The following ACTN2 variants were observed in gnomAD, a reference collection of about 807,000 sequenced individuals.
ACTN2 encodes the protein actinin alpha 2, also known as alpha-actinin-2.
ACTN2 carries 39 observed loss-of-function variants against 113.8 expected under a neutral mutation model. That is an observed-to-expected ratio of 0.34 (90% CI 0.27 to 0.45). The LOEUF is 0.45. Among genes scored for constraint, ACTN2 ranks in the 20% least tolerant of loss-of-function variants. ACTN2 has a pLI of 1.00. For synonymous variants in ACTN2, 429 were observed against 444.1 expected (o/e 0.97, Z 0.43); for missense variants, 992 against 1,177.9 (o/e 0.84, Z 2.31).
intron 8 of ACTN2, chr1:236,736,762 G>A (rs967861544): frequency 5.2e-5 from 43 of 829,160 alleles, no homozygotes; most frequent in Non-Finnish European, 7.5e-5. Flanking sequence ...CATGAGATCA[G>A]TGGAGAGTTC....
At chr1:236,761,824 A>G (rs1045184758) in intron 20 of ACTN2, among the ~76,000 whole-genome samples, 2 of 152,206 alleles carry the variant, frequency 1.3e-5, no homozygotes, top group Non-Finnish European at 2.9e-5. Context: ...GGAGGTTAGC[A>G]TGCTAAAACA....
intron 1 of ACTN2, among the ~76,000 whole-genome samples, chr1:236,707,323 C>T (rs906668750): frequency 1.3e-5 from 2 of 152,228 alleles, no homozygotes; most frequent in Admixed American, 1.3e-4. Context: ...GACCTTCTTG[C>T]ACCCCTTTTC....
intron 1 of ACTN2, among the ~76,000 whole-genome samples, chr1:236,696,216 A>G (rs1485922617): frequency 6.6e-6 from 1 of 151,788 alleles, no homozygotes; most frequent in African/African-American, 2.4e-5. Flanking sequence ...CTGAGGCAGG[A>G]GACTCATTGG....
chr1:236,755,066 G>A lies in ACTN2; in HGVS notation c.2022G>A (p.Gln674=), dbSNP rs377003530. ...AGATCACAGGAGCCCTGGAAGACCA[G>A]ATGAACCAGCTGAAGCAGTATGAGC... ...SIQITGALED[Q]MNQLKQYEHN... Residue 674 remains glutamine, a synonymous_variant, in exon 17 of 21, where the codon CAG becomes CAA. Coordinates refer to ENST00000366578, the MANE Select transcript of ACTN2 (RefSeq NM_001103.4). 6.2e-7 allele frequency: 1 copy of A among 1,614,126 alleles called. No individual in the cohort carries two copies. Among genetic ancestry groups the A allele is most frequent in the Non-Finnish European group, 8.5e-7 (1 of 1,180,056 alleles).
intron 10 of ACTN2, among the ~76,000 whole-genome samples, chr1:236,741,053 C>CT (rs1344605053): frequency 1.3e-5 from 2 of 151,824 alleles, no homozygotes; most frequent in African/African-American, 2.4e-5. Flanking sequence ...TTTCTTTTTC[C>CT]TTTTTTTTAA....
intron 10 of ACTN2, 138 bp from the exon 11 acceptor site, chr1:236,742,758 G>T: frequency 9.9e-7 from 1 of 1,007,188 alleles, no homozygotes; most frequent in South Asian, 1.4e-5. Context: ...TTGAGGTGGG[G>T]GGTAAGGAAG....
At position 236,711,758 on chromosome 1, in the gene ACTN2, A is replaced by T. The variant is rs112276752; in HGVS notation, c.127-6100A>T. On this transcript the variant is annotated intron_variant, in intron 1 of 20. Coordinates refer to ENST00000366578, the MANE Select transcript of ACTN2 (RefSeq NM_001103.4). Reference sequence around the variant, plus strand: ...ACTTTTTATGTGCCTACTTTTTGGGATGCTGAAAGTGTTTATATTTATGGC... The same window carrying T: ...ACTTTTTATGTGCCTACTTTTTGGGTTGCTGAAAGTGTTTATATTTATGGC... 2.4e-3 allele frequency among the ~76,000 whole-genome samples: 369 copies of T among 152,156 alleles called. 1 individual carries two copies. Among genetic ancestry groups the T allele is most frequent in the African/African-American group, 8.4e-3 (348 of 41,506 alleles).
At chr1:236,742,122 T>G (rs912297105) in intron 10 of ACTN2, among the ~76,000 whole-genome samples, 2 of 152,190 alleles carry the variant, frequency 1.3e-5, no homozygotes, top group African/African-American at 4.8e-5. Flanking sequence ...AGGGGTCTTC[T>G]GTAAGTAACC....
intron 1 of ACTN2, among the ~76,000 whole-genome samples, chr1:236,709,427 G>T (rs819647): frequency 0.65 from 95,396 of 147,344 alleles, 31,874 homozygotes; most frequent in Non-Finnish European, 0.73. Context: ...ACAAATAATT[G>T]CATGGTGTCA....
At chr1:236,739,732 G>C (rs1384355771) in intron 10 of ACTN2, among the ~76,000 whole-genome samples, 200 bp downstream of exon 10, 1 of 152,136 alleles carries the variant, frequency 6.6e-6, no homozygotes, top group African/African-American at 2.4e-5. Flanking sequence ...CTGCCACTGG[G>C]GTACAGTGTC....
At chr1:236,688,371 G>T (rs1305029749) in intron 1 of ACTN2, among the ~76,000 whole-genome samples, 9 of 148,668 alleles carry the variant, frequency 6.1e-5, no homozygotes, top group African/African-American at 2.2e-4. Flanking sequence ...AGTGCTTTCT[G>T]TTGCCTTTTT....
intron 1 of ACTN2, among the ~76,000 whole-genome samples, chr1:236,694,501 G>T (rs573009157): frequency 6.6e-6 from 1 of 152,020 alleles, no homozygotes; most frequent in African/African-American, 2.4e-5. Context: ...GGGATTACAG[G>T]TGTGAGCCAC....
chr1:236,741,980 C>T (rs1176403302), intron 10 of ACTN2, among the ~76,000 whole-genome samples: 2 of 152,186 alleles, frequency 1.3e-5, no homozygotes, highest in East Asian at 3.9e-4. Context: ...TGCCGTCCTT[C>T]CCGCACGCAC....
intron 4 of ACTN2, among the ~76,000 whole-genome samples, chr1:236,722,390 A>G (rs1338594877): frequency 6.6e-6 from 1 of 152,152 alleles, no homozygotes; most frequent in Non-Finnish European, 1.5e-5. Flanking sequence ...TAACCCCAGC[A>G]CTTTGGGAGG....
intron 1 of ACTN2, among the ~76,000 whole-genome samples, chr1:236,713,469 C>A (rs142661884): frequency 1.8e-3 from 273 of 152,296 alleles, no homozygotes; most frequent in African/African-American, 6.2e-3. Flanking sequence ...TCAAGTGATC[C>A]ACCCACTTTG....
chr1:236,720,774 A>G (rs1658360553), intron 4 of ACTN2, among the ~76,000 whole-genome samples: 2 of 152,166 alleles, frequency 1.3e-5, no homozygotes, highest in African/African-American at 4.8e-5. Flanking sequence ...AAATATTTTG[A>G]TGAATTCAGC....
rs145248415 is a variant in ACTN2 at position 236,755,107 on chromosome 1, A to C, written c.2063A>C (p.Tyr688Ser). The change falls in exon 17 of 21, where the codon TAT becomes TCT. Residue 688 changes from tyrosine to serine, a missense_variant. This residue lies in a region of ACTN2 where 736 missense variants were observed against 815.4 expected (regional missense o/e 0.90). Coordinates refer to ENST00000366578, the MANE Select transcript of ACTN2 (RefSeq NM_001103.4). ...LKQYEHNIIN[Y>S]KNNIDKLEGD... ...CAGTATGAGCACAACATCATCAACT[A>C]TAAGAACAACATCGACAAGCTGGAG... 1.2e-6 allele frequency: 2 copies of C among 1,614,082 alleles called. No individual in the cohort carries two copies. Among genetic ancestry groups the C allele is most frequent in the Non-Finnish European group, 1.7e-6 (2 of 1,180,044 alleles).
At chr1:236,734,343 T>A in intron 7 of ACTN2, 1 of 884,142 alleles carries the variant, frequency 1.1e-6, no homozygotes, top group Non-Finnish European at 1.7e-6. Context: ...AGGGGGAGGA[T>A]TCCTGATTCC....
intron 11 of ACTN2, 80 bp from the exon 12 acceptor site, chr1:236,744,546 C>T (rs1250250019): frequency 3.1e-5 from 48 of 1,531,332 alleles, no homozygotes; most frequent in Middle Eastern, 2.2e-4. Context: ...GGAATCTCAC[C>T]GCTCCCTGAG....
Sources: allele counts gnomAD v4.1 joint callset (sites outside exome capture counted in the v4.1 genomes callset), GRCh38; gene constraint gnomAD v4.1.1; regional missense constraint gnomAD v4.1.1; transcripts MANE v1.5; gene names NCBI Gene and HGNC (gene_info 2026-07-23, HGNC 2026-07-21).